MTUS1: variants seen among roughly 807,000 people sequenced by gnomAD.
MTUS1 encodes microtubule associated scaffold protein 1, also known as microtubule-associated tumor suppressor 1.
A neutral mutation model predicts 120.8 loss-of-function variants in MTUS1; 109 were observed. The observed-to-expected ratio is 0.90, with a 90% CI of 0.77 to 1.06. The LOEUF is 1.06. Ranked by LOEUF, MTUS1 falls within the 50% of genes least tolerant of loss-of-function variation. The probability of loss-of-function intolerance (pLI) is 0.00; values close to 1 mark genes in which losing one functional copy is unlikely to be tolerated. For synonymous variants in MTUS1, 737 were observed against 550.5 expected, an observed-to-expected ratio of 1.34 and a Z score of -4.74; for missense variants, 2,210 against 1,486.3, an observed-to-expected ratio of 1.49 and a Z score of -8.01.
In MTUS1 at chr8:17,760,727, A is replaced by C. The variant is rs182025716; in HGVS notation, c.-154-4766T>G. ...GTAGTTGCTATTTGTAAAGCCTTCA[A>C]AGTTGCCATCTTAGAAATATTTTGA... On this transcript the variant is annotated intron_variant, in intron 1 of 14. Coordinates refer to ENST00000693296, the MANE Select transcript of MTUS1 (RefSeq NM_001363059.2). Among the ~76,000 whole-genome samples, 344 of 152,256 alleles carry C rather than the reference A, an allele frequency of 2.3e-3. 1 individual carries two copies. The highest frequency in any genetic ancestry group is 8.0e-3 in the African/African-American group (333 of 41,552).
In MTUS1 at chr8:17,725,315, C is replaced by G. The variant is rs767585148; in HGVS notation, c.2288-1482G>C. On this transcript the variant is annotated intron_variant, in intron 3 of 14. Coordinates refer to ENST00000693296, the MANE Select transcript of MTUS1 (RefSeq NM_001363059.2). ...CGATTTTGCTCATAAAAACCTCATCCTAATGGAGAAAAAGATGCTGAAGCT... is the reference window on the plus strand; with the variant it reads ...CGATTTTGCTCATAAAAACCTCATCGTAATGGAGAAAAAGATGCTGAAGCT... 2.0e-4 allele frequency among the ~76,000 whole-genome samples: 30 copies of G among 152,310 alleles called. No individual in the cohort carries two copies. The East Asian group carries it at 3.9e-3, about 20-fold the overall frequency.
intron 13 of MTUS1, among the ~76,000 whole-genome samples, chr8:17,649,434 T>C (rs1183090108): frequency 6.6e-6 from 1 of 150,386 alleles, no homozygotes; most frequent in African/African-American, 2.4e-5. Flanking sequence ...TATTCATTTC[T>C]ATTAAATTCA....
At chr8:17,669,414 G>A (rs35710041) in intron 8 of MTUS1, among the ~76,000 whole-genome samples, 28,714 of 152,060 alleles carry the variant, frequency 0.19, 2,952 homozygotes, top group African/African-American at 0.26. Flanking sequence ...GGGAAAGGAG[G>A]TCTGAACAAA....
chr8:17,725,072 T>A lies in MTUS1; in HGVS notation c.2288-1239A>T, dbSNP rs116661706. 3.9e-3 allele frequency among the ~76,000 whole-genome samples: 595 copies of A among 152,272 alleles called. 3 individuals carry two copies. Among genetic ancestry groups the A allele is most frequent in the African/African-American group, 0.014 (571 of 41,564 alleles). On this transcript the variant is annotated intron_variant, in intron 3 of 14. Coordinates refer to ENST00000693296, the MANE Select transcript of MTUS1 (RefSeq NM_001363059.2). Reference sequence around the variant, plus strand: ...CACCCAGCCATATAGCCCTATTTTTTATTTTTTTCCAGCTTCAAACCATTG... The same window carrying A: ...CACCCAGCCATATAGCCCTATTTTTAATTTTTTTCCAGCTTCAAACCATTG...
chr8:17,702,277 G>C (rs371634442), intron 6 of MTUS1, among the ~76,000 whole-genome samples: 6 of 152,142 alleles, frequency 3.9e-5, no homozygotes, highest in Non-Finnish European at 7.3e-5. Context: ...CAAGAACTGA[G>C]AGCACATTAT....
chr8:17,753,881 C>A lies in MTUS1; in HGVS notation c.1927G>T (p.Val643Phe). The change falls in exon 2 of 15, where the codon GTT becomes TTT. Residue 643 changes from valine (V) to phenylalanine (F), a missense_variant. Physicochemically the swap from Val to Phe is conservative, Grantham distance 50 (BLOSUM62 -1). Transcript: ENST00000693296. ...AAACATTCTGCACTTTCCATTTTAA[C>A]AGGGAGTATGCCTTTGATCTTCTGA... is the stretch of plus-strand genomic sequence containing the variant. ...LFQKIKGILP[V>F]KMESAECLEM... 1 of 1,614,098 alleles carries A rather than the reference C, an allele frequency of 6.2e-7. No individual in the cohort carries two copies. The highest frequency in any genetic ancestry group is 8.5e-7 in the Non-Finnish European group (1 of 1,180,024).
At position 17,688,679 on chromosome 8, in the gene MTUS1, C is replaced by G. The variant is rs111611185; in HGVS notation, c.2624-4137G>C. 2.6e-3 allele frequency among the ~76,000 whole-genome samples: 403 copies of G among 152,290 alleles called. 3 individuals carry two copies. The highest frequency in any genetic ancestry group is 9.4e-3 in the African/African-American group (391 of 41,540). On this transcript the variant is annotated intron_variant, in intron 6 of 14. Transcript: ENST00000693296. ...ATCTGGTGGCAGGTGCTTATCCTGC[C>G]TATGCAATCTTACATACAGTTTTTT...
chr8:17,728,370 G>T (rs1404891765), intron 3 of MTUS1, among the ~76,000 whole-genome samples: 1 of 152,174 alleles, frequency 6.6e-6, no homozygotes, highest in Non-Finnish European at 1.5e-5. Flanking sequence ...CTCCCAAAGT[G>T]CTGGGATTAC....
chr8:17,796,096 C>T (rs1178788864), intron 1 of MTUS1, among the ~76,000 whole-genome samples: 1 of 151,742 alleles, frequency 6.6e-6, no homozygotes, highest in African/African-American at 2.4e-5. Context: ...ATTACAGGCG[C>T]CCACCACCAC....
intron 1 of MTUS1, among the ~76,000 whole-genome samples, chr8:17,791,238 C>G (rs2051756982): frequency 6.6e-6 from 1 of 152,202 alleles, no homozygotes; most frequent in Non-Finnish European, 1.5e-5. Context: ...TGCCCAACCG[C>G]AGGGCTGATG....
At chr8:17,659,786 C>T (rs1395110908) in intron 8 of MTUS1, among the ~76,000 whole-genome samples, 1 of 152,176 alleles carries the variant, frequency 6.6e-6, no homozygotes, top group African/African-American at 2.4e-5. Flanking sequence ...GCATTGAATA[C>T]ACTTACATCG....
chr8:17,695,082 G>A (rs1817687891), intron 6 of MTUS1, among the ~76,000 whole-genome samples: 1 of 152,138 alleles, frequency 6.6e-6, no homozygotes, highest in Non-Finnish European at 1.5e-5. Context: ...ACTGCTGACA[G>A]TCCATTCAGA....
intron 8 of MTUS1, among the ~76,000 whole-genome samples, chr8:17,662,181 T>C (rs1334460657): frequency 1.3e-5 from 2 of 152,084 alleles, no homozygotes; most frequent in Non-Finnish European, 2.9e-5. Context: ...GCCTAGTCTC[T>C]TCTTGCTCAT....
chr8:17,654,239 A>C (rs1807700522), intron 10 of MTUS1: 1 of 357,336 alleles, frequency 2.8e-6, no homozygotes, highest in African/African-American at 2.1e-5. Flanking sequence ...TGGATCCTTT[A>C]CTGTGGATTA....
At chr8:17,768,192 C>T (rs372988153) in intron 1 of MTUS1, among the ~76,000 whole-genome samples, 27 of 152,148 alleles carry the variant, frequency 1.8e-4, no homozygotes, top group East Asian at 7.7e-4. Flanking sequence ...GAGAGATACA[C>T]GAAGGATTTA....
intron 8 of MTUS1, among the ~76,000 whole-genome samples, chr8:17,660,329 C>T (rs1809401726): frequency 6.6e-6 from 1 of 152,128 alleles, no homozygotes; most frequent in Non-Finnish European, 1.5e-5. Flanking sequence ...GCCAAGATAA[C>T]GCCACTGCAC....
In MTUS1 at chr8:17,759,594, A is replaced by G. The variant is rs1281229858; in HGVS notation, c.-154-3633T>C. On this transcript the variant is annotated intron_variant, in intron 1 of 14. Transcript: ENST00000693296. ...AATGTGCATGTTACTATATATGTAT[A>G]TTTTATATATATATATAAAAGTTCT... Among the ~76,000 whole-genome samples the G allele has an allele frequency of 2.0e-5, 3 of 147,830 alleles. No individual in the cohort carries two copies. The East Asian group carries it at 5.8e-4, about 29-fold the overall frequency.
chr8:17,725,717 G>C (rs2046187160), intron 3 of MTUS1, among the ~76,000 whole-genome samples: 1 of 152,112 alleles, frequency 6.6e-6, no homozygotes, highest in African/African-American at 2.4e-5. Flanking sequence ...GCCCAGCACA[G>C]CTTTGAACGC....
chr8:17,790,347 CA>C (rs5889733), intron 1 of MTUS1, among the ~76,000 whole-genome samples: 100,950 of 135,098 alleles, frequency 0.75, 37,455 homozygotes, highest in Non-Finnish European at 0.85. Context: ...GATTCCCTTT[CA>C]AAAAAAAAAA....
Sources: gnomAD v4.1 joint callset for allele counts (sites outside exome capture counted in the v4.1 genomes callset) on GRCh38, gnomAD v4.1.1 for gene constraint, MANE v1.5 for transcripts, NCBI Gene and HGNC (gene_info 2026-07-23, HGNC 2026-07-21) for gene names.